TMPRSS15: variants seen among roughly 807,000 people sequenced by gnomAD.
TMPRSS15 encodes the protein transmembrane serine protease 15, also known as enteropeptidase.
Under a neutral mutation model 125.3 loss-of-function variants are expected in TMPRSS15, and 128 were observed. The observed-to-expected ratio is 1.02, with a 90% confidence interval of 0.89 to 1.18. The LOEUF is 1.18. TMPRSS15 is among the 50% of genes most tolerant of loss of function. The pLI, the probability that TMPRSS15 is intolerant of heterozygous loss-of-function variation, is 0.00. For missense variants in TMPRSS15, 1,283 were observed against 1,212.7 expected, an observed-to-expected ratio of 1.06 and a Z score of -0.86; for synonymous variants, 446 against 423.2, an observed-to-expected ratio of 1.05 and a Z score of -0.66.
chr21:18,461,289 C>A (rs2122952467), intron 1 of TMPRSS15, among the ~76,000 whole-genome samples: 1 of 152,128 alleles, frequency 6.6e-6, no homozygotes, highest in African/African-American at 2.4e-5. Flanking sequence ...TTCTTCCCTG[C>A]TCTATAAACC....
chr21:18,383,919 C>A, intron 3 of TMPRSS15, 141 bp from the exon 4 acceptor site: 1 of 975,142 alleles, frequency 1.0e-6, no homozygotes, highest in Non-Finnish European at 1.5e-6. Flanking sequence ...GTAGTCACTT[C>A]AAATCTTATC....
intron 1 of TMPRSS15, among the ~76,000 whole-genome samples, chr21:18,414,828 T>C (rs2076176081): frequency 6.6e-6 from 1 of 152,210 alleles, no homozygotes; most frequent in Non-Finnish European, 1.5e-5. Flanking sequence ...GGGACAGAGA[T>C]GCAGATATCT....
At chr21:18,374,875 G>T (rs1335625812) in intron 5 of TMPRSS15, among the ~76,000 whole-genome samples, 1 of 152,110 alleles carries the variant, frequency 6.6e-6, no homozygotes, top group Non-Finnish European at 1.5e-5. Flanking sequence ...CAGTGACTAC[G>T]TTTGCTTCTG....
At chr21:18,439,128 G>A (rs1212330200) in intron 1 of TMPRSS15, among the ~76,000 whole-genome samples, 4 of 152,146 alleles carry the variant, frequency 2.6e-5, no homozygotes, top group Non-Finnish European at 5.9e-5. Flanking sequence ...CTGGCCATTT[G>A]AGGTTTACAC....
intron 16 of TMPRSS15, among the ~76,000 whole-genome samples, chr21:18,322,464 T>C (rs2075248565): frequency 1.3e-5 from 2 of 152,216 alleles, no homozygotes; most frequent in Non-Finnish European, 2.9e-5. Context: ...AGCCAAGTTA[T>C]GCAGTCAACG....
chr21:18,322,095 G>T (rs1378703452), intron 16 of TMPRSS15, among the ~76,000 whole-genome samples: 1 of 152,160 alleles, frequency 6.6e-6, no homozygotes, highest in Non-Finnish European at 1.5e-5. Flanking sequence ...CTTTTGCGTT[G>T]AGAGAAATAC....
chr21:18,452,809 C>CA (rs1978367249), intron 1 of TMPRSS15, among the ~76,000 whole-genome samples: 1 of 152,090 alleles, frequency 6.6e-6, no homozygotes, highest in African/African-American at 2.4e-5. Flanking sequence ...TATAGAAAAA[C>CA]TGCACATATT....
chr21:18,433,568 G>A (rs2076220941), intron 1 of TMPRSS15, among the ~76,000 whole-genome samples: 1 of 149,160 alleles, frequency 6.7e-6, no homozygotes, highest in South Asian at 2.1e-4. Flanking sequence ...GGTGGCTGAG[G>A]TGGGAGAATC....
upstream of TMPRSS15, among the ~76,000 whole-genome samples, chr21:18,407,207 A>G (rs1205838419): frequency 6.6e-6 from 1 of 152,136 alleles, no homozygotes; most frequent in Non-Finnish European, 1.5e-5. Flanking sequence ...GTGTATTTGT[A>G]TTGCATTACT....
intron 16 of TMPRSS15, among the ~76,000 whole-genome samples, chr21:18,321,928 A>C (rs2075243099): frequency 6.6e-6 from 1 of 152,178 alleles, no homozygotes; most frequent in Non-Finnish European, 1.5e-5. Context: ...TGTATTTATC[A>C]TGCAGTGATG....
intron 6 of TMPRSS15, among the ~76,000 whole-genome samples, chr21:18,366,627 C>A (rs1037847061): frequency 6.6e-5 from 10 of 152,084 alleles, no homozygotes; most frequent in Admixed American, 3.3e-4. Context: ...CCTTGATTTT[C>A]ACAACTTTTA....
At chr21:18,413,289 TTTC>T (rs1048538603) in intron 1 of TMPRSS15, among the ~76,000 whole-genome samples, 2 of 117,630 alleles carry the variant, frequency 1.7e-5, no homozygotes, top group Non-Finnish European at 3.5e-5. Context: ...TTTTTCTTTC[TTTC>T]TTTTCTTTCT....
At chr21:18,427,624 G>A (rs934789197) in intron 1 of TMPRSS15, among the ~76,000 whole-genome samples, 3 of 152,150 alleles carry the variant, frequency 2.0e-5, no homozygotes, top group Non-Finnish European at 4.4e-5. Flanking sequence ...AAGGCTGACC[G>A]ATCAAAACAT....
At chr21:18,389,966 C>A (rs765449300) in intron 3 of TMPRSS15, among the ~76,000 whole-genome samples, 1 of 152,268 alleles carries the variant, frequency 6.6e-6, no homozygotes, top group East Asian at 1.9e-4. Flanking sequence ...TAATTTGGCA[C>A]GAGTTCATTG....
intron 10 of TMPRSS15, among the ~76,000 whole-genome samples, chr21:18,349,171 C>T (rs1411528556): frequency 2.0e-5 from 3 of 152,152 alleles, no homozygotes; most frequent in Non-Finnish European, 4.4e-5. Context: ...GCTATGTAGT[C>T]CTCTGCGATC....
At chr21:18,325,845 C>T (rs966754768) in intron 16 of TMPRSS15, among the ~76,000 whole-genome samples, 1 of 151,644 alleles carries the variant, frequency 6.6e-6, no homozygotes, top group Non-Finnish European at 1.5e-5. Flanking sequence ...TATACACACA[C>T]ATATATACAT....
rs116512444 is a variant in TMPRSS15 at position 18,354,206 on chromosome 21, A to G, written c.881-343T>C. On this transcript the variant is annotated intron_variant, in intron 8 of 24. Transcript: ENST00000284885. Reference sequence around the variant, plus strand: ...AAGAAACATTAGTTAAGCAGTTTTGAAAATTAAAGTCAACTTAGCTTTATC... The same window carrying G: ...AAGAAACATTAGTTAAGCAGTTTTGGAAATTAAAGTCAACTTAGCTTTATC... 5.9e-3 allele frequency among the ~76,000 whole-genome samples: 892 copies of G among 151,992 alleles called. 13 individuals carry two copies. Among genetic ancestry groups the G allele is most frequent in the African/African-American group, 0.02 (836 of 41,544 alleles).
chr21:18,280,213 T>C (rs1415774147), intron 22 of TMPRSS15, among the ~76,000 whole-genome samples: 2 of 152,184 alleles, frequency 1.3e-5, no homozygotes, highest in African/African-American at 4.8e-5. Context: ...TTCTTGCACA[T>C]TTTCCAGGCA....
chr21:18,408,535 A>G (rs1490990983), upstream of TMPRSS15, among the ~76,000 whole-genome samples: 14 of 152,254 alleles, frequency 9.2e-5, no homozygotes, highest in South Asian at 2.3e-3. Context: ...CCAAGTTGAT[A>G]TGAGCTTAAG....
Sources: gnomAD v4.1 joint callset for allele counts (sites outside exome capture counted in the v4.1 genomes callset) on GRCh38, gnomAD v4.1.1 for gene constraint, MANE v1.5 for transcripts, NCBI Gene and HGNC (gene_info 2026-07-23, HGNC 2026-07-21) for gene names.